TTC3: variants seen among roughly 807,000 people sequenced by gnomAD.
TTC3 encodes tetratricopeptide repeat domain 3, also known as E3 ubiquitin-protein ligase TTC3.
A neutral mutation model predicts 249.6 loss-of-function variants in TTC3; 180 were observed. The ratio of observed to expected loss-of-function variants is 0.72; its 90% confidence interval spans 0.64 to 0.82. The LOEUF is 0.82. TTC3 is among the 40% of genes least tolerant of loss of function. TTC3 has a pLI of 0.00. For synonymous variants in TTC3, 717 were observed against 805.0 expected (o/e 0.89, Z 1.85); for missense variants, 2,061 against 2,398.4 (o/e 0.86, Z 2.94).
chr21:37,158,438 A>G (rs2080335177), intron 28 of TTC3, among the ~76,000 whole-genome samples: 1 of 152,236 alleles, frequency 6.6e-6, no homozygotes, highest in Admixed American at 6.5e-5. Context: ...CAAGTGCAGT[A>G]GCTCTGCCTT....
At chr21:37,081,324 G>A (rs1280472785) in intron 1 of TTC3, among the ~76,000 whole-genome samples, 1 of 151,930 alleles carries the variant, frequency 6.6e-6, no homozygotes, top group Non-Finnish European at 1.5e-5. Flanking sequence ...CACCATGTTG[G>A]CCAGGATGGT....
At position 37,191,260 on chromosome 21, in the gene TTC3, T is replaced by G. The variant is rs554470000; in HGVS notation, c.5025-74T>G. On this transcript the variant is annotated intron_variant, in intron 39 of 45. Transcript: ENST00000355666. ...TGTTAAATGTCTCTTTTGCTCATGTTTAGATGTTTATTTGACCGTAAGTGC... is the reference window on the plus strand; with the variant it reads ...TGTTAAATGTCTCTTTTGCTCATGTGTAGATGTTTATTTGACCGTAAGTGC... The G allele has an allele frequency of 2.5e-4, 253 of 993,462 alleles. No homozygotes were observed. In the African/African-American group the frequency reaches 4.0e-3, roughly 16 times the overall value. The allele number at this position is 993,462 out of a possible 1,614,324, so 61.5% of individuals were successfully genotyped here. A position where few individuals can be genotyped will look rare whatever the true frequency, so the allele number is the denominator to read the frequency against.
At chr21:37,178,625 A>G (rs1214664119) in intron 35 of TTC3, among the ~76,000 whole-genome samples, 1 of 152,122 alleles carries the variant, frequency 6.6e-6, no homozygotes, top group African/African-American at 2.4e-5. Flanking sequence ...CAGATCCTTT[A>G]TTCATTTTTG....
chr21:37,184,409 CT>C, intron 36 of TTC3, among the ~76,000 whole-genome samples: 1 of 150,460 alleles, frequency 6.6e-6, no homozygotes, highest in Non-Finnish European at 1.5e-5. Flanking sequence ...ATTTCTTTAC[CT>C]TTCCTGTCAC....
intron 10 of TTC3, among the ~76,000 whole-genome samples, chr21:37,102,445 A>G (rs1000150330): frequency 3.9e-5 from 6 of 152,244 alleles, no homozygotes; most frequent in African/African-American, 1.4e-4. Context: ...AGAATCAGTT[A>G]AAAGATGGAT....
intron 1 of TTC3, among the ~76,000 whole-genome samples, chr21:37,080,805 T>A (rs921450488): frequency 6.6e-6 from 1 of 152,152 alleles, no homozygotes; most frequent in African/African-American, 2.4e-5. Context: ...TCATTTTACT[T>A]TGATTTTTTT....
intron 28 of TTC3, chr21:37,158,139 T>G: frequency 1.0e-6 from 1 of 985,476 alleles, no homozygotes; most frequent in Non-Finnish European, 1.2e-6. Context: ...AGGATACTGC[T>G]TCATGACTGA....
At chr21:37,200,541 A>T (rs1198707549) in intron 45 of TTC3, among the ~76,000 whole-genome samples, 1 of 152,152 alleles carries the variant, frequency 6.6e-6, no homozygotes, top group Non-Finnish European at 1.5e-5. Flanking sequence ...CCTTGTGGGG[A>T]GAGGGGAACA....
In TTC3 at chr21:37,153,283, T is replaced by C. The variant is rs1223674211; in HGVS notation, c.2740+6T>C. ...CCAAAAACTTAATAGCTTTGGTATG[T>C]CCCTTTATATTCCAGAGCAATAAAC... On this transcript the variant is annotated splice_donor_region_variant and intron_variant, in intron 27 of 45. Transcript: ENST00000355666. 1.2e-6 allele frequency: 2 copies of C among 1,601,370 alleles called. No homozygotes were observed. The highest frequency in any genetic ancestry group is 1.7e-6 in the Non-Finnish European group (2 of 1,175,298).
At chr21:37,082,862 A>C (rs552519655) in intron 1 of TTC3, 1 of 973,362 alleles carries the variant, frequency 1.0e-6, no homozygotes, top group African/African-American at 1.8e-5. Flanking sequence ...TATTATAAAA[A>C]ATTTTATGGT....
chr21:37,096,638 GT>G lies in TTC3; in HGVS notation c.843del (p.Phe281LeufsTer14), dbSNP rs777106245. On this transcript the variant is annotated frameshift_variant, in exon 10 of 46. Transcript: ENST00000355666. LOFTEE classifies it high-confidence loss of function. ...CTCTTTGTTTTCTTCGTACTGGACA[GT>G]TTAGGTAAGTTGGTTAAAATATCTC... 2 of 1,608,182 alleles carry G rather than the reference GT, an allele frequency of 1.2e-6. No homozygotes were observed. Among genetic ancestry groups the G allele is most frequent in the Non-Finnish European group, 1.7e-6 (2 of 1,177,070 alleles).
chr21:37,182,535 C>T (rs986618137), intron 35 of TTC3, among the ~76,000 whole-genome samples: 11 of 152,124 alleles, frequency 7.2e-5, no homozygotes, highest in East Asian at 1.9e-4. Context: ...AGTGGTTCTT[C>T]GGGGTGTCTT....
intron 1 of TTC3, among the ~76,000 whole-genome samples, chr21:37,080,294 A>T (rs527363373): frequency 6.6e-6 from 1 of 151,572 alleles, no homozygotes; most frequent in Non-Finnish European, 1.5e-5. Context: ...TAAATTTTCA[A>T]ATGTGTCTAT....
chr21:37,086,345 A>C (rs2072471019), intron 1 of TTC3: 1 of 152,202 alleles, frequency 6.6e-6, no homozygotes, highest in South Asian at 2.1e-4. Flanking sequence ...TATATGGGCA[A>C]GAGCTAGAAG....
intron 11 of TTC3, among the ~76,000 whole-genome samples, chr21:37,111,640 C>T (rs182177742): frequency 3.3e-5 from 5 of 152,226 alleles, no homozygotes; most frequent in Admixed American, 6.5e-5. Context: ...GACAGATCAA[C>T]GAGACAGAAA....
rs527384719 is a variant in TTC3 at position 37,179,120 on chromosome 21, A to T, written c.4618-3654A>T. 1.5e-3 allele frequency among the ~76,000 whole-genome samples: 224 copies of T among 152,252 alleles called. 2 individuals carry two copies. The highest frequency in any genetic ancestry group is 4.9e-3 in the African/African-American group (205 of 41,536). ...GACCCTCACTCGCTACAAAAAAATT[A>T]AAAAATTAAATAAATAATTAGGTAG... On this transcript the variant is annotated intron_variant, in intron 35 of 45. Coordinates refer to ENST00000355666, the Ensembl canonical transcript of TTC3.
At chr21:37,150,104 C>CCCT (rs1601801389) in exon 24 of TTC3, 2 of 1,611,738 alleles carry the variant, frequency 1.2e-6, no homozygotes, top group East Asian at 4.5e-5. Flanking sequence ...TATGTCTTAC[C>CCCT]CCTGACTGTG....
At chr21:37,111,457 A>G (rs1342772762) in intron 11 of TTC3, among the ~76,000 whole-genome samples, 4 of 152,104 alleles carry the variant, frequency 2.6e-5, no homozygotes, top group Non-Finnish European at 5.9e-5. Context: ...AGACAAGGCC[A>G]TTACATAATG....
At chr21:37,132,644 T>G in intron 16 of TTC3, 38 bp from the exon 17 acceptor site, 2 of 1,535,690 alleles carry the variant, frequency 1.3e-6, no homozygotes, top group Non-Finnish European at 1.8e-6. Context: ...AGAACTTTTA[T>G]TTTAAAATGA....
Sources: allele counts gnomAD v4.1 joint callset (sites outside exome capture counted in the v4.1 genomes callset), GRCh38; gene constraint gnomAD v4.1.1; transcripts MANE v1.5; gene names NCBI Gene and HGNC (gene_info 2026-07-23, HGNC 2026-07-21).